Variants in PDHX observed in about 807,000 individuals in gnomAD.
PDHX encodes the protein pyruvate dehydrogenase protein X component, mitochondrial.
Under a neutral mutation model 55.3 loss-of-function variants are expected in PDHX, and 33 were observed. The observed-to-expected ratio is 0.60, with a 90% CI of 0.45 to 0.80. The LOEUF (loss-of-function observed/expected upper bound fraction) is 0.80, where lower values mean the gene tolerates loss of function less well. PDHX is among the 30% of genes least tolerant of loss of function. The pLI is 0.00. For missense variants in PDHX, 622 were observed against 619.9 expected, an observed-to-expected ratio of 1.00 and a Z score of -0.04; for synonymous variants, 226 against 219.4, an observed-to-expected ratio of 1.03 and a Z score of -0.27.
At position 34,916,633 on chromosome 11, in the gene PDHX, C is replaced by A. The variant is rs201033364; in HGVS notation, c.-23C>A. ...GCTGGACATCAGGCTGTGCTGCGGG[C>A]AGCCAGTGAGAAGGCCGTCAAGATG... On this transcript the variant is annotated 5_prime_UTR_variant, in exon 1 of 11. Coordinates refer to ENST00000227868, the MANE Select transcript of PDHX (RefSeq NM_003477.3). 7.1e-4 allele frequency: 1,146 copies of A among 1,603,898 alleles called. 12 individuals are homozygous for A. The East Asian group carries it at 0.023, about 32-fold the overall frequency.
intron 2 of PDHX, among the ~76,000 whole-genome samples, chr11:34,940,737 A>G (rs1043599230): frequency 1.3e-5 from 2 of 152,066 alleles, no homozygotes; most frequent in Admixed American, 6.5e-5. Context: ...CTCTATCCCT[A>G]GACAATCCGG....
chr11:34,936,239 T>A (rs1565151683), intron 2 of PDHX, among the ~76,000 whole-genome samples: 2 of 152,098 alleles, frequency 1.3e-5, no homozygotes, highest in Non-Finnish European at 2.9e-5. Context: ...TGCAGTGAGG[T>A]TATCCAAATG....
chr11:34,926,611 C>T (rs557441301), intron 1 of PDHX, among the ~76,000 whole-genome samples: 1 of 152,148 alleles, frequency 6.6e-6, no homozygotes, highest in Non-Finnish European at 1.5e-5. Context: ...AAATCTGCTT[C>T]ATATTAACCA....
chr11:34,984,791 T>C (rs1855605759), intron 9 of PDHX, 63 bp downstream of exon 9: 3 of 1,504,048 alleles, frequency 2.0e-6, no homozygotes, highest in African/African-American at 1.4e-5. Context: ...AATTACTTTC[T>C]GATAAAGTTG....
At chr11:34,926,560 G>A (rs950950745) in intron 1 of PDHX, among the ~76,000 whole-genome samples, 2 of 152,108 alleles carry the variant, frequency 1.3e-5, no homozygotes, top group Admixed American at 6.5e-5. Flanking sequence ...TATGTAAACT[G>A]CTGAATTCCC....
At chr11:34,985,027 A>T (rs1286264929) in intron 9 of PDHX, 1 of 331,656 alleles carries the variant, frequency 3.0e-6, no homozygotes, top group African/African-American at 2.2e-5. Flanking sequence ...AGCCATAAAG[A>T]TGCTATATCA....
Position 34,966,620 on chromosome 11 carries a change from T to TAG in PDHX, c.642-19_642-18insGA. 1.2e-6 allele frequency: 2 copies of TAG among 1,612,858 alleles called. No individual in the cohort carries two copies. Among genetic ancestry groups the TAG allele is most frequent in the South Asian group, 2.2e-5 (2 of 91,052 alleles). ...TTCCTTATTGCTAATTATGGTTATC[T>TAG]ACTTTGCTCTTATTTCCAGGGATGC... On this transcript the variant is annotated intron_variant, in intron 5 of 10. Transcript: ENST00000227868.
In PDHX at chr11:34,978,200, A is replaced by G. The variant is rs11032962; in HGVS notation, c.1023+18A>G. ...CCCTTAAAGTAAGTAGCAGACTTCA[A>G]ATGATTTTGTCTTCTTAAGTAGTTT... On this transcript the variant is annotated intron_variant, in intron 8 of 10. Transcript: ENST00000227868. 2.8e-3 allele frequency: 3,983 copies of G among 1,402,750 alleles called. 82 individuals are homozygous for G. In the African/African-American group the frequency reaches 0.047, roughly 17 times the overall value. The allele number at this position is 1,402,750 out of a possible 1,614,324, so 86.9% of individuals were successfully genotyped here.
At chr11:34,949,506 G>A (rs1854704035) in intron 3 of PDHX, among the ~76,000 whole-genome samples, 1 of 152,140 alleles carries the variant, frequency 6.6e-6, no homozygotes, top group Non-Finnish European at 1.5e-5. Context: ...CAAAGTGCTA[G>A]GATTATAGGC....
chr11:34,963,021 A>G (rs993731767), intron 5 of PDHX, among the ~76,000 whole-genome samples: 8 of 152,178 alleles, frequency 5.3e-5, no homozygotes, highest in South Asian at 4.1e-4. Flanking sequence ...CGAGAAAGGC[A>G]TCAGCCTTTG....
intron 2 of PDHX, among the ~76,000 whole-genome samples, chr11:34,934,987 A>G (rs1175430233): frequency 6.6e-6 from 1 of 152,070 alleles, no homozygotes; most frequent in Admixed American, 6.5e-5. Flanking sequence ...TACGAATAAA[A>G]TGACAGTATC....
chr11:34,950,991 A>G (rs1854750790), intron 3 of PDHX, among the ~76,000 whole-genome samples: 1 of 149,720 alleles, frequency 6.7e-6, no homozygotes, highest in South Asian at 2.1e-4. Context: ...CAGTCCCACC[A>G]GCAGTGTAAA....
In PDHX at chr11:34,995,151, G is replaced by A; in HGVS notation, c.1485G>A (p.Glu495=). 1 of 1,613,940 alleles carries A rather than the reference G, an allele frequency of 6.2e-7. No homozygotes were observed. Among genetic ancestry groups the A allele is most frequent in the East Asian group, 2.2e-5 (1 of 44,880 alleles). The part of the protein sequence containing the change: ...RFLKSFKANL[E]NPIRLA ...TTAAAAGTTTTAAAGCAAACCTAGA[G>A]AATCCTATCCGACTTGCCTAGTCCT... is the stretch of plus-strand genomic sequence containing the variant. The change falls in exon 11 of 11, where the codon GAG becomes GAA. Residue 495 remains glutamate, a synonymous_variant. Coordinates refer to ENST00000227868, the MANE Select transcript of PDHX (RefSeq NM_003477.3).
rs113669892 is a variant in PDHX, at chr11:34,973,435, C to T, written c.964+3149C>T. The stretch of plus-strand genomic sequence containing the variant: ...AATGGGATAGTTGGATTTAAATCTA[C>T]CATTTTGTTCTTTCTTTGCATTCTC... On this transcript the variant is annotated intron_variant, in intron 7 of 10. Coordinates refer to ENST00000227868, the MANE Select transcript of PDHX (RefSeq NM_003477.3). 2.6e-3 allele frequency among the ~76,000 whole-genome samples: 391 copies of T among 152,192 alleles called. 2 individuals are homozygous for T. Among genetic ancestry groups the T allele is most frequent in the African/African-American group, 8.9e-3 (370 of 41,528 alleles).
Position 34,966,795 on chromosome 11 carries a change from C to CCGGACAACCCAATGCAG in PDHX, c.797_798insCGGACAACCCAATGCAG (p.Gly273AspfsTer25), listed in dbSNP as rs752590767. 28 of 1,613,952 alleles carry CCGGACAACCCAATGCAG rather than the reference C, an allele frequency of 1.7e-5. 1 individual carries two copies. In the South Asian group the frequency reaches 2.7e-4, roughly 16 times the overall value. On this transcript the variant is annotated frameshift_variant, in exon 6 of 11. Coordinates refer to ENST00000227868, the MANE Select transcript of PDHX (RefSeq NM_003477.3). LOFTEE classifies it high-confidence loss of function. Reference sequence around the variant, plus strand: ...CCTGTGATCCCACCAGTATCAACTCCTGGACAACCCAATGCAGTGGTAGTG... The same window carrying CCGGACAACCCAATGCAG: ...CCTGTGATCCCACCAGTATCAACTCCCGGACAACCCAATGCAGTGGACAACCCAATGCAGTGGTAGTG...
At chr11:34,924,848 C>G (rs569234279) in intron 1 of PDHX, among the ~76,000 whole-genome samples, 1 of 152,278 alleles carries the variant, frequency 6.6e-6, no homozygotes, top group Non-Finnish European at 1.5e-5. Context: ...AGTTTTGTCT[C>G]TTAACTTTCT....
intron 5 of PDHX, among the ~76,000 whole-genome samples, chr11:34,963,484 T>C (rs988027762): frequency 6.6e-6 from 1 of 152,176 alleles, no homozygotes; most frequent in African/African-American, 2.4e-5. Context: ...CTCACTAGGT[T>C]GCCCAGGCTG....
Position 34,957,496 on chromosome 11 carries a change from C to G in PDHX, c.455C>G (p.Pro152Arg). 6.2e-7 allele frequency: 1 copy of G among 1,614,006 alleles called. No homozygotes were observed. The highest frequency in any genetic ancestry group is 8.5e-7 in the Non-Finnish European group (1 of 1,179,910). The change falls in exon 4 of 11, where the codon CCA becomes CGA. Residue 152 changes from proline to arginine, a missense_variant. Physicochemically the swap from Pro to Arg is moderately radical, Grantham distance 103. Coordinates refer to ENST00000227868, the MANE Select transcript of PDHX (RefSeq NM_003477.3). Reference protein sequence around the residue: ...EIPKDVGPPPPVSKPSEPRPS... With the variant: ...EIPKDVGPPPRVSKPSEPRPS... Reference sequence around the variant, plus strand: ...CCCAAAGACGTAGGTCCTCCACCACCAGTTTCAAAACCTTCAGAGCCTCGC... The same window carrying G: ...CCCAAAGACGTAGGTCCTCCACCACGAGTTTCAAAACCTTCAGAGCCTCGC...
In PDHX at chr11:34,931,394, T is replaced by C; in HGVS notation, c.161-10T>C. The stretch of plus-strand genomic sequence containing the variant: ...TGTTGTGGCTCATCTTTCCTTTTTT[T>C]CAATTTCAGGTGATCCCATTAAGAT... On this transcript the variant is annotated splice_polypyrimidine_tract_variant and intron_variant, in intron 1 of 10. Transcript: ENST00000227868. 4.6e-6 allele frequency: 7 copies of C among 1,535,470 alleles called. No homozygotes were observed. Among genetic ancestry groups the C allele is most frequent in the Non-Finnish European group, 6.3e-6 (7 of 1,109,898 alleles).
Sources: allele counts gnomAD v4.1 joint callset (sites outside exome capture counted in the v4.1 genomes callset), GRCh38; gene constraint gnomAD v4.1.1; transcripts MANE v1.5; gene names NCBI Gene and HGNC (gene_info 2026-07-23, HGNC 2026-07-21).